NUBPL: variants seen among roughly 807,000 people sequenced by gnomAD.
NUBPL encodes the protein iron-sulfur cluster transfer protein NUBPL.
NUBPL carries 31 observed loss-of-function variants against 45.7 expected under a neutral mutation model. The observed-to-expected ratio is 0.68, with a 90% CI of 0.51 to 0.92. The LOEUF (loss-of-function observed/expected upper bound fraction) is 0.92. Ranked by LOEUF, NUBPL falls within the 40% of genes least tolerant of loss-of-function variation. NUBPL has a pLI of 0.00. For synonymous variants in NUBPL, 144 were observed against 140.9 expected (o/e 1.02, Z -0.15); for missense variants, 401 against 398.7 (o/e 1.01, Z -0.05).
intron 3 of NUBPL, among the ~76,000 whole-genome samples, chr14:31,567,512 G>A (rs1389824245): frequency 6.6e-6 from 1 of 152,100 alleles, no homozygotes; most frequent in Non-Finnish European, 1.5e-5. Flanking sequence ...TGTTTTGAAA[G>A]ATGTCTTTGA....
chr14:31,572,122 A>G (rs1021941904), intron 3 of NUBPL, among the ~76,000 whole-genome samples: 1 of 151,758 alleles, frequency 6.6e-6, no homozygotes, highest in Non-Finnish European at 1.5e-5. Flanking sequence ...TATTGCTCCT[A>G]TTTTAGCTAG....
At chr14:31,623,132 C>G (rs2035111128) in intron 4 of NUBPL, among the ~76,000 whole-genome samples, 1 of 152,218 alleles carries the variant, frequency 6.6e-6, no homozygotes. Flanking sequence ...TTCTGGAGCT[C>G]TAAAATTTAA....
intron 6 of NUBPL, among the ~76,000 whole-genome samples, chr14:31,786,036 T>C (rs1379512538): frequency 6.6e-6 from 1 of 152,082 alleles, no homozygotes; most frequent in East Asian, 1.9e-4. Flanking sequence ...CACACGTCTA[T>C]AGTCCCAGCT....
intron 7 of NUBPL, among the ~76,000 whole-genome samples, chr14:31,816,708 C>G (rs1448653667): frequency 6.6e-6 from 1 of 152,018 alleles, no homozygotes; most frequent in Admixed American, 6.6e-5. Flanking sequence ...TAGCTGTGTC[C>G]CAGAGATTCT....
intron 4 of NUBPL, among the ~76,000 whole-genome samples, chr14:31,650,966 A>G (rs571715155): frequency 3.9e-5 from 6 of 152,150 alleles, no homozygotes; most frequent in Non-Finnish European, 8.8e-5. Flanking sequence ...ATAGAGATAG[A>G]GCTTACTCAT....
chr14:31,728,745 C>T (rs925601116), intron 6 of NUBPL, among the ~76,000 whole-genome samples: 8 of 152,186 alleles, frequency 5.3e-5, no homozygotes, highest in African/African-American at 1.9e-4. Context: ...ATTGCTATCC[C>T]TTCCAGCTTT....
chr14:31,704,064 A>G (rs1273279803), intron 6 of NUBPL, among the ~76,000 whole-genome samples: 4 of 152,126 alleles, frequency 2.6e-5, no homozygotes, highest in Admixed American at 1.3e-4. Flanking sequence ...CAAGACCACA[A>G]ATCTTTGAGG....
At chr14:31,809,975 TGATA>T (rs2039768184) in intron 7 of NUBPL, among the ~76,000 whole-genome samples, 1 of 152,246 alleles carries the variant, frequency 6.6e-6, no homozygotes, top group African/African-American at 2.4e-5. Context: ...CACTGTGGTC[TGATA>T]GATAGTTTGT....
At chr14:31,611,396 A>G (rs1194520625) in intron 4 of NUBPL, among the ~76,000 whole-genome samples, 1 of 152,182 alleles carries the variant, frequency 6.6e-6, no homozygotes, top group Non-Finnish European at 1.5e-5. Flanking sequence ...GAAAACTGTA[A>G]AACACTGATG....
intron 4 of NUBPL, among the ~76,000 whole-genome samples, chr14:31,640,122 G>A (rs1184721693): frequency 1.3e-5 from 2 of 152,162 alleles, no homozygotes; most frequent in Non-Finnish European, 2.9e-5. Flanking sequence ...GCACTCCCTA[G>A]TGAGATGAAC....
chr14:31,650,941 C>G (rs147834005), intron 4 of NUBPL, among the ~76,000 whole-genome samples: 123 of 152,176 alleles, frequency 8.1e-4, no homozygotes, highest in Non-Finnish European at 1.6e-3. Context: ...TAACAACCAG[C>G]ACACATAGGA....
intron 7 of NUBPL, among the ~76,000 whole-genome samples, chr14:31,810,447 GT>G (rs565388265): frequency 8.8e-4 from 133 of 151,242 alleles, no homozygotes; most frequent in African/African-American, 3.0e-3. Flanking sequence ...AACCCCTGTT[GT>G]TTTTTGTTTT....
intron 3 of NUBPL, among the ~76,000 whole-genome samples, chr14:31,591,734 G>C (rs1158693960): frequency 6.6e-6 from 1 of 152,014 alleles, no homozygotes; most frequent in Non-Finnish European, 1.5e-5. Flanking sequence ...TAGTGTAGAA[G>C]TATTAGAAGA....
At chr14:31,686,567 C>G (rs1356445281) in intron 6 of NUBPL, 2 of 152,210 alleles carry the variant, frequency 1.3e-5, no homozygotes, top group Admixed American at 1.3e-4. Flanking sequence ...GTATCACACA[C>G]TGGGAGCAGG....
intron 7 of NUBPL, among the ~76,000 whole-genome samples, chr14:31,800,239 G>C (rs2039561184): frequency 6.6e-6 from 1 of 152,156 alleles, no homozygotes; most frequent in Non-Finnish European, 1.5e-5. Context: ...AGTCATCTGT[G>C]AGGGCTGGAA....
intron 4 of NUBPL, among the ~76,000 whole-genome samples, chr14:31,657,730 TTC>T (rs1456985214): frequency 6.6e-6 from 1 of 152,318 alleles, no homozygotes; most frequent in African/African-American, 2.4e-5. Flanking sequence ...ATTCATATTT[TTC>T]TAACTTGCTG....
intron 4 of NUBPL, among the ~76,000 whole-genome samples, chr14:31,654,864 T>C (rs891053194): frequency 6.6e-6 from 1 of 152,270 alleles, no homozygotes; most frequent in Non-Finnish European, 1.5e-5. Context: ...TCAAGCCCTG[T>C]CACTGCTTTA....
intron 6 of NUBPL, among the ~76,000 whole-genome samples, chr14:31,685,484 A>AG: frequency 6.6e-6 from 1 of 152,100 alleles, no homozygotes; most frequent in Admixed American, 6.5e-5. Flanking sequence ...TAGCTTAAGG[A>AG]GGAGTGGTAT....
At chr14:31,637,863 G>A (rs926638433) in intron 4 of NUBPL, among the ~76,000 whole-genome samples, 11 of 152,108 alleles carry the variant, frequency 7.2e-5, no homozygotes, top group Admixed American at 7.2e-4. Context: ...TGTCTCTTTT[G>A]ATGTTTGTTG....
Sources: gnomAD v4.1 joint callset for allele counts (sites outside exome capture counted in the v4.1 genomes callset) on GRCh38, gnomAD v4.1.1 for gene constraint, MANE v1.5 for transcripts, NCBI Gene and HGNC (gene_info 2026-07-23, HGNC 2026-07-21) for gene names.